Variants in NCOR2 observed in about 807,000 individuals in gnomAD.
NCOR2 encodes the protein nuclear receptor corepressor 2.
A neutral mutation model predicts 262.9 loss-of-function variants in NCOR2; 81 were observed. The ratio of observed to expected loss-of-function variants is 0.31; its 90% CI spans 0.26 to 0.37. The LOEUF is 0.37. NCOR2 is among the 10% of genes least tolerant of loss of function. NCOR2 has a pLI of 1.00. For synonymous variants in NCOR2, 1,659 were observed against 1,559.3 expected, an observed-to-expected ratio of 1.06 and a Z score of -1.51; for missense variants, 3,385 against 3,621.4, an observed-to-expected ratio of 0.93 and a Z score of 1.68.
chr12:124,478,088 A>G (rs2047205336), intron 3 of NCOR2, among the ~76,000 whole-genome samples: 1 of 152,220 alleles, frequency 6.6e-6, no homozygotes, highest in Admixed American at 6.5e-5. Context: ...AGAAATGCGG[A>G]GAGGAGGAGG....
chr12:124,332,377 G>A (rs763240412), exon 43 of NCOR2: 1 of 1,614,190 alleles, frequency 6.2e-7, no homozygotes, highest in Non-Finnish European at 8.5e-7. Flanking sequence ...CTTGCTTCTT[G>A]GACTTGACCA....
Position 124,378,501 on chromosome 12 carries a change from T to C in NCOR2, c.2020-117A>G. On this transcript the variant is annotated intron_variant, in intron 17 of 46. Transcript: ENST00000405201. The surrounding 1 kb of genome is among the most constrained non-coding windows in gnomAD (Gnocchi z 4.2). ...GGCAGTGATCCCGGCCATGTAGCAATGAGGGTGACCGTCCCCCTCACACCC... is the reference window on the plus strand; with the variant it reads ...GGCAGTGATCCCGGCCATGTAGCAACGAGGGTGACCGTCCCCCTCACACCC... 2 of 1,086,236 alleles carry C rather than the reference T, an allele frequency of 1.8e-6. No homozygotes were observed. Among genetic ancestry groups the C allele is most frequent in the Non-Finnish European group, 2.6e-6 (2 of 778,162 alleles). The allele number at this position is 1,086,236 out of a possible 1,614,324, so 67.3% of individuals were successfully genotyped here.
At chr12:124,434,282 C>T (rs1486091814) in intron 8 of NCOR2, among the ~76,000 whole-genome samples, 1 of 152,162 alleles carries the variant, frequency 6.6e-6, no homozygotes, top group Non-Finnish European at 1.5e-5. Flanking sequence ...AGCCCCCCTC[C>T]CCAGGCCTTA....
intron 15 of NCOR2, among the ~76,000 whole-genome samples, chr12:124,398,778 G>T (rs138784918): frequency 6.6e-6 from 1 of 152,218 alleles, no homozygotes; most frequent in Non-Finnish European, 1.5e-5. Flanking sequence ...GTCCCCTAGT[G>T]GGGGAGTAAA....
chr12:124,399,610 C>T (rs1010951448), intron 15 of NCOR2, among the ~76,000 whole-genome samples: 6 of 152,186 alleles, frequency 3.9e-5, no homozygotes, highest in African/African-American at 1.4e-4. Context: ...TAGGTCCAAA[C>T]TACATCCCAC....
At chr12:124,335,721 C>T (rs2035816728) in intron 38 of NCOR2, 89 bp from the exon 41 acceptor site, 1 of 1,436,276 alleles carries the variant, frequency 7.0e-7, no homozygotes, top group Non-Finnish European at 9.3e-7. Flanking sequence ...TGGCTGGGAC[C>T]CCGGGGGGGT....
At chr12:124,473,176 C>A in intron 3 of NCOR2, 45 bp from the exon 6 acceptor site, 2 of 1,605,562 alleles carry the variant, frequency 1.2e-6, no homozygotes, top group Non-Finnish European at 1.7e-6. Flanking sequence ...CAGGGGACAC[C>A]CCCCAGTCTG....
chr12:124,335,776 A>G, intron 38 of NCOR2, 144 bp from the exon 41 acceptor site: 1 of 892,220 alleles, frequency 1.1e-6, no homozygotes. Flanking sequence ...TCCCAAAGAC[A>G]GTAAGGCAGA....
At chr12:124,374,364 C>A (rs1292059577) in intron 19 of NCOR2, 49 bp downstream of exon 21, 1 of 1,589,402 alleles carries the variant, frequency 6.3e-7, no homozygotes, top group Non-Finnish European at 8.6e-7. Flanking sequence ...CCTTGGGATG[C>A]CCGCCCCGGC....
At chr12:124,431,604 C>T (rs2043941741) in intron 8 of NCOR2, among the ~76,000 whole-genome samples, 1 of 151,044 alleles carries the variant, frequency 6.6e-6, no homozygotes, top group Non-Finnish European at 1.5e-5. Flanking sequence ...TGCACAGGCA[C>T]ACATACATAC....
rs534038505 is a variant in NCOR2, at chr12:124,456,993, G to T, written c.762+113C>A. ...TGCTTCCTCCGCGGACGCCGCCTGG[G>T]CAGCGCTTGGTAATAGATGACTTCC... On this transcript the variant is annotated intron_variant, in intron 6 of 46. Transcript: ENST00000405201. The T allele has an allele frequency of 1.4e-5, 14 of 1,028,284 alleles. No individual in the cohort carries two copies. The East Asian group carries it at 4.0e-4, about 29-fold the overall frequency. The allele number at this position is 1,028,284 out of a possible 1,614,324, so 63.7% of individuals were successfully genotyped here.
chr12:124,363,715 CT>C lies in NCOR2; in HGVS notation c.2891del (p.Lys964SerfsTer3). Reference sequence around the variant, plus strand: ...TGGCAGCCGCTCGCTGCTTCAGCTGCTTCAGGTCCAGTGGCTTCTGGGGTGA... The same window carrying C: ...TGGCAGCCGCTCGCTGCTTCAGCTGCTCAGGTCCAGTGGCTTCTGGGGTGA... On this transcript the variant is annotated frameshift_variant, in exon 21 of 47. Coordinates refer to ENST00000405201, the Ensembl canonical transcript of NCOR2. LOFTEE classifies it high-confidence loss of function. The C allele has an allele frequency of 7.1e-7, 1 of 1,411,522 alleles. No individual in the cohort carries two copies. The highest frequency in any genetic ancestry group is 1.9e-4 in the Middle Eastern group (1 of 5,212). 87.4% of individuals were successfully genotyped at this position (1,411,522 alleles called of 1,614,324 possible). A position where few individuals can be genotyped will look rare whatever the true frequency, so the allele number is the denominator to read the frequency against.
At chr12:124,335,800 G>A in intron 38 of NCOR2, 168 bp from the exon 41 acceptor site, 1 of 690,862 alleles carries the variant, frequency 1.4e-6, no homozygotes, top group South Asian at 2.0e-5. Flanking sequence ...GGGTGTTGGG[G>A]AGAGACAGGG....
intron 1 of NCOR2, among the ~76,000 whole-genome samples, chr12:124,565,339 G>A: frequency 6.6e-6 from 1 of 152,124 alleles, no homozygotes; most frequent in East Asian, 1.9e-4. Context: ...CACGGCAGGC[G>A]GCTCAGGGAA....
At chr12:124,386,025 A>T in intron 16 of NCOR2, 138 bp from the exon 19 acceptor site, 1 of 1,112,034 alleles carries the variant, frequency 9.0e-7, no homozygotes, top group South Asian at 1.7e-5. Context: ...GGACCTCTGG[A>T]AGAAGAGACA....
chr12:124,496,103 G>A (rs542152933), upstream of NCOR2, among the ~76,000 whole-genome samples: 5 of 152,170 alleles, frequency 3.3e-5, no homozygotes, highest in East Asian at 9.7e-4. This position sits in a 1 kb window ranked among gnomAD's most constrained non-coding sequence, Gnocchi z 4.4. Context: ...CACGCCAGAG[G>A]AATAACACGA....
chr12:124,400,405 T>C (rs2041931778), intron 15 of NCOR2, 96 bp downstream of exon 17: 1 of 1,505,196 alleles, frequency 6.6e-7, no homozygotes, highest in Non-Finnish European at 9.0e-7. Context: ...CCCTTGGCTG[T>C]TGCCAATTAA....
exon 47 of NCOR2, chr12:124,325,521 G>A: frequency 7.4e-7 from 1 of 1,358,782 alleles, no homozygotes; most frequent in Admixed American, 3.8e-5. Context: ...GGTGGGGGTG[G>A]GGAAGCCATG....
At chr12:124,473,266 G>A in intron 3 of NCOR2, 135 bp from the exon 6 acceptor site, 1 of 1,090,132 alleles carries the variant, frequency 9.2e-7, no homozygotes, top group Non-Finnish European at 1.3e-6. Flanking sequence ...TGTCTGTGAG[G>A]GTGTTGCCAA....
Sources: allele counts gnomAD v4.1 joint callset (sites outside exome capture counted in the v4.1 genomes callset), GRCh38; gene constraint gnomAD v4.1.1; non-coding constraint Gnocchi (gnomAD v3.1); transcripts MANE v1.5; gene names NCBI Gene and HGNC (gene_info 2026-07-23, HGNC 2026-07-21).